The following ADH4 variants were observed in gnomAD, a reference collection of about 807,000 sequenced individuals.
ADH4 encodes alcohol dehydrogenase 4 (class II), pi polypeptide, also known as all-trans-retinol dehydrogenase [NAD(+)] ADH4.
In ADH4, 31 loss-of-function variants were observed where a neutral mutation model predicts 35.2. The observed-to-expected ratio is 0.88, with a 90% CI of 0.66 to 1.19. The LOEUF (loss-of-function observed/expected upper bound fraction) is 1.19, where lower values mean the gene tolerates loss of function less well. Among genes scored for constraint, ADH4 ranks in the 50% most tolerant of loss-of-function variants. The pLI is 0.00. For missense variants in ADH4, 476 were observed against 458.3 expected, an observed-to-expected ratio of 1.04 and a Z score of -0.35; for synonymous variants, 171 against 160.2, an observed-to-expected ratio of 1.07 and a Z score of -0.51.
chr4:99,127,774 G>T (rs1729145058), intron 6 of ADH4, among the ~76,000 whole-genome samples: 1 of 151,370 alleles, frequency 6.6e-6, no homozygotes, highest in Non-Finnish European at 1.5e-5. Flanking sequence ...GGAGGTTGCA[G>T]TGAGCCGAGA....
Position 99,131,711 on chromosome 4 carries a change from A to T in ADH4, c.636T>A (p.Ser212=). 6.2e-7 allele frequency: 1 copy of T among 1,614,200 alleles called. No individual in the cohort carries two copies. Among genetic ancestry groups the T allele is most frequent in the South Asian group, 1.1e-5 (1 of 91,086 alleles). Residue 212 remains serine, a synonymous_variant, in exon 6 of 9, where the codon TCT becomes TCA. Coordinates refer to ENST00000265512, the MANE Select transcript of ADH4 (RefSeq NM_000670.5). The part of the protein sequence containing the change: ...AVFGLGGVGL[S]AVMGCKAAGA... ...CTGCTGCTTTACAACCCATTACAGC[A>T]GAAAGACCCACACCTCCTAGGCCAA...
At chr4:99,131,249 C>G (rs1432828925) in intron 6 of ADH4, among the ~76,000 whole-genome samples, 1 of 151,990 alleles carries the variant, frequency 6.6e-6, no homozygotes, top group Non-Finnish European at 1.5e-5. Context: ...ACAAATAATG[C>G]TGGTATGGCT....
chr4:99,138,067 A>G (rs1290420434), intron 4 of ADH4, among the ~76,000 whole-genome samples: 1 of 152,250 alleles, frequency 6.6e-6, no homozygotes, highest in Non-Finnish European at 1.5e-5. Context: ...CTCATAAATT[A>G]GTATTTTTGA....
chr4:99,144,106 G>A, intron 1 of ADH4, 99 bp downstream of exon 1: 1 of 1,378,698 alleles, frequency 7.3e-7, no homozygotes, highest in Non-Finnish European at 1.0e-6. Flanking sequence ...TCAACTGTAA[G>A]TCACTGCTTC....
chr4:99,131,620 C>T lies in ADH4; in HGVS notation c.727G>A (p.Ala243Thr). 3 of 1,614,158 alleles carry T rather than the reference C, an allele frequency of 1.9e-6. No homozygotes were observed. The highest frequency in any genetic ancestry group is 1.1e-5 in the South Asian group (1 of 91,084). Residue 243 changes from alanine to threonine, a missense_variant, in exon 6 of 9, where the codon GCC becomes ACC. Physicochemically the swap from Ala to Thr is moderately conservative, Grantham distance 58 (BLOSUM62 0). Coordinates refer to ENST00000265512, the MANE Select transcript of ADH4 (RefSeq NM_000670.5). ...TCTCTAGGATTGAGGCAGTCAGTGG[C>T]TCCCAGGGCTTTAGCCTTCACAAAC... is the stretch of plus-strand genomic sequence containing the variant. ...EKFVKAKALG[A>T]TDCLNPRDLH... is the part of the protein sequence containing the mutation.
At chr4:99,131,804 C>T (rs1308318241) in intron 5 of ADH4, 40 bp from the exon 6 acceptor site, 2 of 1,581,108 alleles carry the variant, frequency 1.3e-6, no homozygotes, top group African/African-American at 1.4e-5. Context: ...CTAAAGCAGC[C>T]AGTCCCACTT....
chr4:99,124,483 A>G lies in ADH4; in HGVS notation c.1119-17T>C. The G allele has an allele frequency of 6.9e-7, 1 of 1,440,364 alleles. No individual in the cohort carries two copies. The highest frequency in any genetic ancestry group is 9.6e-7 in the Non-Finnish European group (1 of 1,043,682). The allele number at this position is 1,440,364 out of a possible 1,614,324, so 89.2% of individuals were successfully genotyped here. A position where few individuals can be genotyped will look rare whatever the true frequency, so the allele number is the denominator to read the frequency against. ...GTTCGGACGCTGTTAATAACAATAA[A>G]ACATTAATAAGTATAATTTTCATGA... On this transcript the variant is annotated splice_polypyrimidine_tract_variant and intron_variant, in intron 8 of 8. Transcript: ENST00000265512.
At chr4:99,137,253 G>A (rs1304014338) in intron 4 of ADH4, among the ~76,000 whole-genome samples, 4 of 151,778 alleles carry the variant, frequency 2.6e-5, no homozygotes, top group African/African-American at 7.3e-5. Flanking sequence ...TCAGCCTCCC[G>A]AGTAGCTGGG....
chr4:99,133,262 C>T (rs1729342365), intron 5 of ADH4, among the ~76,000 whole-genome samples: 2 of 151,942 alleles, frequency 1.3e-5, no homozygotes, highest in African/African-American at 4.8e-5. Flanking sequence ...TAAATTGCCC[C>T]CACAATTTGC....
intron 1 of ADH4, chr4:99,143,141 C>A: frequency 1.4e-6 from 1 of 701,498 alleles, no homozygotes; most frequent in Non-Finnish European, 2.6e-6. Flanking sequence ...ATTGAGTGAA[C>A]TGTTTGAAAT....
chr4:99,125,425 G>C (rs1329355969), intron 8 of ADH4, among the ~76,000 whole-genome samples: 4 of 152,210 alleles, frequency 2.6e-5, no homozygotes, highest in Non-Finnish European at 5.9e-5. Context: ...CCACCTGGCT[G>C]CCACTTAGCA....
chr4:99,129,020 G>A (rs546081639), intron 6 of ADH4, among the ~76,000 whole-genome samples: 87 of 151,976 alleles, frequency 5.7e-4, no homozygotes, highest in Admixed American at 1.7e-3. Context: ...GGCTGCTCTC[G>A]AACTCCTGGG....
chr4:99,137,843 A>G (rs941782258), intron 4 of ADH4, among the ~76,000 whole-genome samples: 3 of 152,164 alleles, frequency 2.0e-5, no homozygotes, highest in East Asian at 1.9e-4. Flanking sequence ...CTGTAAAAAC[A>G]TTACCATATA....
chr4:99,138,060 A>G (rs1385615193), intron 4 of ADH4, among the ~76,000 whole-genome samples: 1 of 152,140 alleles, frequency 6.6e-6, no homozygotes, highest in Non-Finnish European at 1.5e-5. Flanking sequence ...GCATCCCCTC[A>G]TAAATTAGTA....
In ADH4 at chr4:99,141,551, G is replaced by A. The variant is rs1463718790; in HGVS notation, c.252C>T (p.Asn84=). 2.5e-6 allele frequency: 4 copies of A among 1,606,878 alleles called. No individual in the cohort carries two copies. Among genetic ancestry groups the A allele is most frequent in the East Asian group, 2.2e-5 (1 of 44,812 alleles). Residue 84 remains asparagine, a synonymous_variant, in exon 3 of 9, where the codon AAC becomes AAT. Coordinates refer to ENST00000265512, the MANE Select transcript of ADH4 (RefSeq NM_000670.5). ...AATAAAATAAAATACCTGGTTTGAC[G>A]TTGGTCACTCCTGGCCCAATACTTT... ...IVESIGPGVT[N]VKPGDKVIPL...
chr4:99,141,661 G>A lies in ADH4; in HGVS notation c.142C>T (p.His48Tyr), dbSNP rs752725480. 2 of 1,613,824 alleles carry A rather than the reference G, an allele frequency of 1.2e-6. No homozygotes were observed. The highest frequency in any genetic ancestry group is 2.2e-5 in the South Asian group (2 of 91,054). The change falls in exon 3 of 9, where the codon CAT (histidine) becomes TAT (tyrosine). Residue 48 changes from histidine (H) to tyrosine (Y), a missense_variant. Transcript: ENST00000265512. ...GAATCGATAACAGTGGCATCAGTAT[G>A]GCACAGAGAGGTAGCAATGATCTAC... ...RIQIIATSLC[H>Y]TDATVIDSKF...
chr4:99,127,302 T>C lies in ADH4; in HGVS notation c.886A>G (p.Thr296Ala), dbSNP rs930904195. Residue 296 changes from threonine (T) to alanine (A), a missense_variant, in exon 7 of 9, where the codon ACT becomes GCT. Physicochemically the swap from Thr to Ala is moderately conservative, Grantham distance 58 (BLOSUM62 0). Transcript: ENST00000265512. ...DCTTAGWGSC[T>A]FIGVAAGSKG... is the part of the protein sequence containing the mutation. ...CTACCAGCAGCTACTCCAATGAAAGTACATGATCCCCAGCCTGCGGTTGTA... is the reference window on the plus strand; with the variant it reads ...CTACCAGCAGCTACTCCAATGAAAGCACATGATCCCCAGCCTGCGGTTGTA... The C allele has an allele frequency of 9.3e-6, 15 of 1,612,384 alleles. No individual in the cohort carries two copies. In the African/African-American group the frequency reaches 2.0e-4, roughly 22 times the overall value.
intron 6 of ADH4, among the ~76,000 whole-genome samples, chr4:99,127,626 C>T (rs983739458): frequency 1.3e-5 from 2 of 152,048 alleles, no homozygotes; most frequent in Non-Finnish European, 2.9e-5. Flanking sequence ...GCCAGGAGTT[C>T]GAGACCAGCC....
At chr4:99,128,798 A>G (rs1344130331) in intron 6 of ADH4, among the ~76,000 whole-genome samples, 1 of 99,022 alleles carries the variant, frequency 1.0e-5, no homozygotes, top group Non-Finnish European at 2.0e-5. Flanking sequence ...ATATAAATAT[A>G]TAATTGTATT....
Sources: gnomAD v4.1 joint callset for allele counts (sites outside exome capture counted in the v4.1 genomes callset) on GRCh38, gnomAD v4.1.1 for gene constraint, MANE v1.5 for transcripts, NCBI Gene and HGNC (gene_info 2026-07-23, HGNC 2026-07-21) for gene names.